Variants in TRIM49C observed in about 807,000 individuals in gnomAD.
TRIM49C encodes the protein tripartite motif containing 49C.
A neutral mutation model predicts 21.4 loss-of-function variants in TRIM49C; 6 were observed. That is an observed-to-expected ratio of 0.28 (90% CI 0.15 to 0.55). The LOEUF (loss-of-function observed/expected upper bound fraction) is 0.55. Ranked by LOEUF, TRIM49C falls within the 20% of genes least tolerant of loss-of-function variation. The pLI, the probability that TRIM49C is intolerant of heterozygous loss-of-function variation, is 0.94. For missense variants in TRIM49C, 161 were observed against 442.4 expected (o/e 0.36, Z 5.71); for synonymous variants, 57 against 148.1 (o/e 0.38, Z 4.47).
chr11:90,065,689 G>GCT, the TRIM49C span, among the ~76,000 whole-genome samples: 6,680 of 141,102 alleles, frequency 0.047, 1,255 homozygotes, highest in Non-Finnish European at 0.069. Flanking sequence ...GGGCAAGGTG[G>GCT]CTCATGCCTG....
chr11:90,043,245 T>A (rs535631660), downstream of TRIM49C, among the ~76,000 whole-genome samples: 3,876 of 140,504 alleles, frequency 0.028, 151 homozygotes, highest in East Asian at 0.071. Flanking sequence ...GGCAACACAG[T>A]GAGACCTCAT....
At position 90,041,220 on chromosome 11, in the gene TRIM49C, G is replaced by C; in HGVS notation, c.1029G>C (p.Trp343Cys). ...CTTTCACCTCGGGCAAATATTACTG[G>C]GAGGTCCATGTAGGGGACTCCTGGA... ...VQTFTSGKYY[W>C]EVHVGDSWNW... is the part of the protein sequence containing the mutation. Residue 343 changes from tryptophan (W) to cysteine (C), a missense_variant, in exon 8 of 8, where the codon TGG (tryptophan) becomes TGC (cysteine). Physicochemically the swap from Trp to Cys is radical, Grantham distance 215. Coordinates refer to ENST00000448984, the MANE Select transcript of TRIM49C (RefSeq NM_001195234.1). 1 of 1,591,688 alleles carries C rather than the reference G, an allele frequency of 6.3e-7. No homozygotes were observed. Among genetic ancestry groups the C allele is most frequent in the East Asian group, 2.3e-5 (1 of 44,106 alleles).
At chr11:90,054,535 T>G in the TRIM49C span, among the ~76,000 whole-genome samples, 2 of 136,674 alleles carry the variant, frequency 1.5e-5, 1 homozygote, top group East Asian at 4.7e-4. Flanking sequence ...TTCAAGTGAT[T>G]ATCCTGCCTC....
At chr11:90,062,488 C>T in the TRIM49C span, 1 of 1,096,986 alleles carries the variant, frequency 9.1e-7, no homozygotes, top group Admixed American at 3.3e-5. Context: ...GGAATAATCA[C>T]CACCTCCATC....
chr11:90,066,137 C>T, the TRIM49C span, among the ~76,000 whole-genome samples: 1 of 137,080 alleles, frequency 7.3e-6, no homozygotes, highest in African/African-American at 2.6e-5. Context: ...TCTCCTGCCC[C>T]AGCCTCCCAA....
the TRIM49C span, chr11:90,063,067 A>G: frequency 1.5e-6 from 2 of 1,359,808 alleles, no homozygotes; most frequent in Admixed American, 2.9e-5. Flanking sequence ...GATGAAAAGG[A>G]AAAAAAGGCC....
chr11:90,052,147 G>C, the TRIM49C span: 1 of 402,236 alleles, frequency 2.5e-6, no homozygotes, highest in Non-Finnish European at 4.3e-6. Context: ...CCAGGACCCC[G>C]GCAGCGGGGC....
rs918572087 is a variant in TRIM49C, at chr11:90,031,984, A to T, written c.-190-413A>T. Among the ~76,000 whole-genome samples, 431 of 136,256 alleles carry T rather than the reference A, an allele frequency of 3.2e-3. 67 individuals are homozygous for T. The highest frequency in any genetic ancestry group is 0.012 in the Admixed American group (147 of 11,944). 89.4% of individuals were successfully genotyped at this position (136,256 alleles called of 152,430 possible). A position where few individuals can be genotyped will look rare whatever the true frequency, so the allele number is the denominator to read the frequency against. On this transcript the variant is annotated intron_variant, in intron 1 of 7. Coordinates refer to ENST00000448984, the MANE Select transcript of TRIM49C (RefSeq NM_001195234.1). ...CGTTACCAAAAATTTCAACAAAAAA[A>T]ATTAGCCAGGTGATATAGTGTGAGC...
At chr11:90,052,282 GC>G in the TRIM49C span, 1 of 214,298 alleles carries the variant, frequency 4.7e-6, no homozygotes, top group South Asian at 7.5e-5. Context: ...CCGACCCCAC[GC>G]CGCGCCGCCA....
chr11:90,033,747 C>A (rs559700755), intron 2 of TRIM49C, among the ~76,000 whole-genome samples: 1 of 132,628 alleles, frequency 7.5e-6, no homozygotes, highest in African/African-American at 2.7e-5. Context: ...AGTTCAAGTG[C>A]AGCCTGGCCA....
In TRIM49C at chr11:90,033,782, A is replaced by G. The variant is rs1299420076; in HGVS notation, c.-5+1200A>G. On this transcript the variant is annotated intron_variant, in intron 2 of 7. Transcript: ENST00000448984. ...AAGATGGCAAAACCCCATCTCTACT[A>G]AAAAAATACAAAAATTAGCCAGGCC... 9.4e-5 allele frequency among the ~76,000 whole-genome samples: 12 copies of G among 127,818 alleles called. 1 individual carries two copies. Among genetic ancestry groups the G allele is most frequent in the African/African-American group, 3.4e-4 (12 of 35,318 alleles). 83.9% of individuals were successfully genotyped at this position (127,818 alleles called of 152,430 possible). A position where few individuals can be genotyped will look rare whatever the true frequency, so the allele number is the denominator to read the frequency against.
rs1950768996 is a variant in TRIM49C, at chr11:90,041,347, G to A, written c.1156G>A (p.Asp386Asn). ...CTTTCTTCTTGGGTGTATTAAGAAT[G>A]ACATTCAATGCAGTCTCTTTACCAC... is the stretch of plus-strand genomic sequence containing the variant. Reference protein sequence around the residue: ...GLFLLGCIKNDIQCSLFTTSP... With the variant: ...GLFLLGCIKNNIQCSLFTTSP... Residue 386 changes from aspartate (D) to asparagine (N), a missense_variant, in exon 8 of 8, where the codon GAC (aspartate) becomes AAC (asparagine). Around this residue, in one of 3 missense-constraint regions of TRIM49C, gnomAD observed 63 missense variants for 67.6 expected, o/e 0.93. Transcript: ENST00000448984. 1 of 1,589,804 alleles carries A rather than the reference G, an allele frequency of 6.3e-7. No homozygotes were observed.
chr11:90,055,576 A>G, the TRIM49C span, among the ~76,000 whole-genome samples: 1 of 151,758 alleles, frequency 6.6e-6, no homozygotes, highest in Non-Finnish European at 1.5e-5. Context: ...TGTAAACAGC[A>G]TTCCCAGATA....
At chr11:90,066,776 CT>C in the TRIM49C span, among the ~76,000 whole-genome samples, 28 of 132,598 alleles carry the variant, frequency 2.1e-4, 4 homozygotes, top group Admixed American at 2.2e-3. Context: ...ATTATTATTA[CT>C]TTTTTTTCGA....
the TRIM49C span, among the ~76,000 whole-genome samples, chr11:90,067,389 T>G: frequency 1.4e-5 from 2 of 145,942 alleles, no homozygotes; most frequent in Admixed American, 7.0e-5. Flanking sequence ...CTAAAAAAAT[T>G]TTATTTCCTG....
At chr11:90,045,141 G>A (rs144734211), downstream of TRIM49C, among the ~76,000 whole-genome samples, 6,721 of 137,200 alleles carry the variant, frequency 0.049, 1,201 homozygotes, top group Non-Finnish European at 0.07. Context: ...CTATGTCTCT[G>A]TTTCGGTACC....
At chr11:90,033,658 G>A (rs1179082941) in intron 2 of TRIM49C, among the ~76,000 whole-genome samples, 3 of 134,772 alleles carry the variant, frequency 2.2e-5, no homozygotes, top group South Asian at 2.5e-4. Flanking sequence ...CAATGAAACC[G>A]CCTGGCTGGG....
downstream of TRIM49C, chr11:90,042,120 A>C (rs1275726821): frequency 7.4e-6 from 1 of 135,900 alleles, no homozygotes; most frequent in Non-Finnish European, 1.6e-5. Context: ...ATTGAAATAC[A>C]CAATGTGATC....
the TRIM49C span, among the ~76,000 whole-genome samples, chr11:90,056,240 G>A: frequency 1.2e-4 from 17 of 138,132 alleles, 3 homozygotes; most frequent in East Asian, 3.3e-3. Context: ...GATTACAGGC[G>A]TGAGCCACCG....
Sources: allele counts gnomAD v4.1 joint callset (sites outside exome capture counted in the v4.1 genomes callset), GRCh38; gene constraint gnomAD v4.1.1; regional missense constraint gnomAD v4.1.1; transcripts MANE v1.5; gene names NCBI Gene and HGNC (gene_info 2026-07-23, HGNC 2026-07-21).